Variants in B3GALT1 observed in about 807,000 individuals in gnomAD.
B3GALT1 encodes UDP-Gal:betaGlcNAc beta 1,3-galactosyltransferase, polypeptide 1.
B3GALT1 carries 10 observed loss-of-function variants against 23.2 expected under a neutral mutation model. The ratio of observed to expected loss-of-function variants is 0.43; its 90% CI spans 0.27 to 0.73. The LOEUF (loss-of-function observed/expected upper bound fraction) is 0.73, where lower values mean the gene tolerates loss of function less well. Ranked by LOEUF, B3GALT1 falls within the 30% of genes least tolerant of loss-of-function variation. The pLI, the probability that B3GALT1 is intolerant of heterozygous loss-of-function variation, is 0.21. For synonymous variants in B3GALT1, 156 were observed against 141.5 expected, an observed-to-expected ratio of 1.10 and a Z score of -0.73; for missense variants, 299 against 405.4, an observed-to-expected ratio of 0.74 and a Z score of 2.25.
chr2:167,846,560 C>A (rs1689765092), intron 4 of B3GALT1, among the ~76,000 whole-genome samples: 1 of 152,164 alleles, frequency 6.6e-6, no homozygotes, highest in South Asian at 2.1e-4. Flanking sequence ...ATAGAATTCA[C>A]CACTACCAAG....
chr2:167,463,346 G>A (rs966924519), intron 1 of B3GALT1, among the ~76,000 whole-genome samples: 20 of 152,088 alleles, frequency 1.3e-4, no homozygotes, highest in Admixed American at 2.6e-4. Context: ...GGTTCTCCAC[G>A]TGAGTCTATA....
intron 1 of B3GALT1, among the ~76,000 whole-genome samples, chr2:167,445,312 G>A (rs183753342): frequency 8.5e-5 from 13 of 152,316 alleles, no homozygotes; most frequent in African/African-American, 2.6e-4. Context: ...GAATAAGTGC[G>A]ATGTGGTGCT....
At chr2:167,731,471 G>A (rs573425433) in intron 3 of B3GALT1, among the ~76,000 whole-genome samples, 16 of 152,276 alleles carry the variant, frequency 1.1e-4, no homozygotes, top group Admixed American at 8.5e-4. Context: ...TCCTGTGTTT[G>A]AACACCATAT....
chr2:167,639,162 C>T lies in B3GALT1; in HGVS notation c.-409-7747C>T, dbSNP rs901955532. On this transcript the variant is annotated intron_variant, in intron 2 of 4. Transcript: ENST00000392690. ...CCCCTTCTGGAACATACATTGTCTCCGGAAGAAATAAAGATAGAAAGTTAC... is the reference window on the plus strand; with the variant it reads ...CCCCTTCTGGAACATACATTGTCTCTGGAAGAAATAAAGATAGAAAGTTAC... 1.1e-4 allele frequency among the ~76,000 whole-genome samples: 16 copies of T among 151,780 alleles called. No individual in the cohort carries two copies. The East Asian group carries it at 2.1e-3, about 20-fold the overall frequency.
At chr2:167,603,154 A>G (rs181052488) in intron 2 of B3GALT1, among the ~76,000 whole-genome samples, 31 of 152,310 alleles carry the variant, frequency 2.0e-4, no homozygotes, top group Non-Finnish European at 3.7e-4. Flanking sequence ...CATGTTTCCT[A>G]TTAAGATAAC....
intron 4 of B3GALT1, among the ~76,000 whole-genome samples, chr2:167,865,127 G>T (rs899604874): frequency 6.6e-6 from 1 of 152,124 alleles, no homozygotes; most frequent in Non-Finnish European, 1.5e-5. Flanking sequence ...CAAACTCTCA[G>T]CTGGGCAAGG....
chr2:167,716,448 G>A (rs1345966613), intron 3 of B3GALT1, among the ~76,000 whole-genome samples: 3 of 152,108 alleles, frequency 2.0e-5, no homozygotes, highest in African/African-American at 7.2e-5. Context: ...CTCTGTTTCT[G>A]GTAATTTTCT....
chr2:167,680,717 A>G (rs1051795559), intron 3 of B3GALT1, among the ~76,000 whole-genome samples: 10 of 152,254 alleles, frequency 6.6e-5, no homozygotes, highest in African/African-American at 2.4e-4. Flanking sequence ...TTGAAAATGT[A>G]GCACTAGAAT....
At position 167,553,010 on chromosome 2, in the gene B3GALT1, G is replaced by A. The variant is rs75003707; in HGVS notation, c.-410+62733G>A. The stretch of plus-strand genomic sequence containing the variant: ...CTTGAATGTGTTGGTACACATCTTC[G>A]GGGGGTACTATTTTATCCCTGATTA... On this transcript the variant is annotated intron_variant, in intron 2 of 4. Transcript: ENST00000392690. 2.9e-3 allele frequency among the ~76,000 whole-genome samples: 447 copies of A among 152,006 alleles called. 24 individuals carry two copies. The East Asian group carries it at 0.074, about 25-fold the overall frequency.
chr2:167,744,202 A>G (rs1197624264), intron 3 of B3GALT1, among the ~76,000 whole-genome samples: 1 of 152,140 alleles, frequency 6.6e-6, no homozygotes, highest in Non-Finnish European at 1.5e-5. Context: ...CAATATCACT[A>G]GTTGTGTGCA....
In B3GALT1 at chr2:167,305,710, A is replaced by G. The variant is rs565711361; in HGVS notation, c.-511+12376A>G. Among the ~76,000 whole-genome samples the G allele has an allele frequency of 6.6e-5, 10 of 152,200 alleles. No individual in the cohort carries two copies. In the East Asian group the frequency reaches 1.7e-3, roughly 26 times the overall value. On this transcript the variant is annotated intron_variant, in intron 1 of 4. Transcript: ENST00000392690. The stretch of plus-strand genomic sequence containing the variant: ...TTATCTATTAGCGTGCTTTGTGTGT[A>G]TACACATTTATTGTGAACTAATCTC...
intron 2 of B3GALT1, among the ~76,000 whole-genome samples, chr2:167,626,406 T>C (rs1177359264): frequency 6.6e-6 from 1 of 151,608 alleles, no homozygotes; most frequent in African/African-American, 2.4e-5. Context: ...TCTTACAATA[T>C]AGGACAACAA....
intron 4 of B3GALT1, among the ~76,000 whole-genome samples, chr2:167,838,290 A>G (rs1466191872): frequency 2.0e-5 from 3 of 152,368 alleles, no homozygotes; most frequent in South Asian, 4.1e-4. Context: ...CAAGACTAAT[A>G]AAGAAGAAAA....
intron 2 of B3GALT1, among the ~76,000 whole-genome samples, chr2:167,565,596 G>A (rs561972647): frequency 6.6e-5 from 10 of 152,172 alleles, no homozygotes; most frequent in South Asian, 4.1e-4. Flanking sequence ...GACAATTTTC[G>A]CAACCTACTC....
chr2:167,836,695 C>T (rs1199646326), intron 4 of B3GALT1, among the ~76,000 whole-genome samples: 1 of 152,100 alleles, frequency 6.6e-6, no homozygotes, highest in Non-Finnish European at 1.5e-5. Flanking sequence ...AGATAATCCT[C>T]AAGAAGAGCA....
chr2:167,727,663 T>C (rs1007659349), intron 3 of B3GALT1, among the ~76,000 whole-genome samples: 1 of 152,062 alleles, frequency 6.6e-6, no homozygotes, highest in African/African-American at 2.4e-5. Flanking sequence ...GAAAATAAGG[T>C]ATATTTGAGA....
chr2:167,435,877 A>G (rs183285862), intron 1 of B3GALT1, among the ~76,000 whole-genome samples: 2 of 151,826 alleles, frequency 1.3e-5, no homozygotes, highest in East Asian at 1.9e-4. Context: ...TTTAGTCCCT[A>G]TTTGGTGGGT....
intron 3 of B3GALT1, among the ~76,000 whole-genome samples, chr2:167,806,413 C>T (rs1054567033): frequency 2.6e-5 from 4 of 152,184 alleles, no homozygotes; most frequent in African/African-American, 4.8e-5. Context: ...TGCCAGTTTT[C>T]AAAGGGAATG....
chr2:167,516,880 A>G (rs191237335), intron 2 of B3GALT1, among the ~76,000 whole-genome samples: 28 of 151,844 alleles, frequency 1.8e-4, no homozygotes, highest in Admixed American at 1.8e-3. Context: ...GATTTACTTC[A>G]TGTTTCAATC....
Sources: allele counts gnomAD v4.1 joint callset (sites outside exome capture counted in the v4.1 genomes callset), GRCh38; gene constraint gnomAD v4.1.1; transcripts MANE v1.5; gene names NCBI Gene and HGNC (gene_info 2026-07-23, HGNC 2026-07-21).